Variants in MACF1 observed in about 807,000 individuals in gnomAD.
MACF1 encodes microtubule-actin cross-linking factor 1.
A neutral mutation model predicts 854.8 loss-of-function variants in MACF1; 193 were observed. That is an observed-to-expected ratio of 0.23 (90% CI 0.20 to 0.25). The LOEUF is 0.25. Ranked by LOEUF, MACF1 falls within the 10% of genes least tolerant of loss-of-function variation. MACF1 has a pLI of 1.00. For missense variants in MACF1, 7,722 were observed against 8,929.1 expected (o/e 0.86, Z 5.45); for synonymous variants, 3,185 against 3,226.7 (o/e 0.99, Z 0.44).
chr1:39,241,457 C>A (rs559480559), intron 2 of MACF1, among the ~76,000 whole-genome samples: 1 of 151,990 alleles, frequency 6.6e-6, no homozygotes, highest in Non-Finnish European at 1.5e-5. Context: ...GTCAGGCGTT[C>A]GGGACCAGCC....
Position 39,327,292 on chromosome 1 carries a change from A to G in MACF1, c.4553A>G (p.Asp1518Gly), listed in dbSNP as rs750107904. The change falls in exon 36 of 101, where the codon GAT (aspartate) becomes GGT (glycine). Residue 1518 changes from aspartate to glycine, a missense_variant. Transcript: ENST00000564288. ...ALNKAYHDLC[D>G]GSANQLQQLQ... is the part of the protein sequence containing the mutation. ...AACAAGGCTTACCATGACCTTTGTG[A>G]TGGTTCTGCAAATCAGCTTCAGCAG... 2 of 1,608,372 alleles carry G rather than the reference A, an allele frequency of 1.2e-6. No homozygotes were observed. The highest frequency in any genetic ancestry group is 2.7e-5 in the African/African-American group (2 of 74,872).
chr1:39,353,574 A>C (rs551794055), intron 44 of MACF1, among the ~76,000 whole-genome samples: 1 of 152,202 alleles, frequency 6.6e-6, no homozygotes, highest in East Asian at 1.9e-4. Flanking sequence ...TGCACTAATG[A>C]ATTCTGTGTA....
chr1:39,458,057 A>C, intron 89 of MACF1: 1 of 220,874 alleles, frequency 4.5e-6, no homozygotes, highest in Non-Finnish European at 9.0e-6. Flanking sequence ...GCCAGTTCTC[A>C]TGTGAACTAA....
At chr1:39,450,946 ACTCT>A in intron 84 of MACF1, 102 bp from the exon 85 acceptor site, 1 of 1,243,600 alleles carries the variant, frequency 8.0e-7, no homozygotes. Context: ...CATAGAAGTC[ACTCT>A]CTATATAGGG....
At chr1:39,450,997 G>A (rs990889084) in intron 84 of MACF1, 55 bp from the exon 85 acceptor site, 2 of 1,574,120 alleles carry the variant, frequency 1.3e-6, no homozygotes, top group African/African-American at 1.3e-5. Flanking sequence ...GCAGAATTGT[G>A]GGCCATTTGT....
At chr1:39,133,217 G>C (rs985434788) in intron 2 of MACF1, among the ~76,000 whole-genome samples, 2 of 152,156 alleles carry the variant, frequency 1.3e-5, no homozygotes, top group East Asian at 1.9e-4. Flanking sequence ...TGGGGCTGGG[G>C]GTATGGGGTG....
At chr1:39,448,389 T>C (rs890615621) in intron 83 of MACF1, among the ~76,000 whole-genome samples, 1 of 152,228 alleles carries the variant, frequency 6.6e-6, no homozygotes, top group Non-Finnish European at 1.5e-5. Context: ...CTGTAGGCTT[T>C]CACAAATTGT....
At chr1:39,269,287 G>A (rs1310206782) in intron 6 of MACF1, 8 of 1,289,814 alleles carry the variant, frequency 6.2e-6, no homozygotes, top group South Asian at 3.7e-5. Context: ...CGTGGGTTTC[G>A]GAGCTGTGCT....
intron 15 of MACF1, among the ~76,000 whole-genome samples, chr1:39,291,103 A>G (rs1275142099): frequency 6.6e-6 from 1 of 151,214 alleles, no homozygotes; most frequent in East Asian, 2.0e-4. Context: ...CAGCCTCTCA[A>G]GTAGCTGGGA....
intron 26 of MACF1, 57 bp from the exon 27 acceptor site, chr1:39,315,456 T>G: frequency 6.5e-7 from 1 of 1,549,540 alleles, no homozygotes; most frequent in Non-Finnish European, 8.9e-7. Flanking sequence ...GTGGACTTCT[T>G]TCTACCTTTT....
chr1:39,086,200 T>C lies in MACF1; in HGVS notation c.220+1762T>C, dbSNP rs558663047. On this transcript the variant is annotated intron_variant, in intron 2 of 93. Coordinates refer to the MACF1 transcript ENST00000361689. Reference sequence around the variant, plus strand: ...ACTGAATGAATGCTGAATGAGTGTTTTGAGGATATTATGTGATGTGACAGA... The same window carrying C: ...ACTGAATGAATGCTGAATGAGTGTTCTGAGGATATTATGTGATGTGACAGA... Among the ~76,000 whole-genome samples, 3 of 152,288 alleles carry C rather than the reference T, an allele frequency of 2.0e-5. No homozygotes were observed. In the South Asian group the frequency reaches 6.2e-4, roughly 32 times the overall value.
chr1:39,214,458 GTT>G, intron 1 of MACF1, among the ~76,000 whole-genome samples: 1 of 152,228 alleles, frequency 6.6e-6, no homozygotes. Context: ...GCACAGCTGA[GTT>G]AAGTGCACTG....
chr1:39,102,821 C>T (rs1642126648), intron 2 of MACF1: 1 of 702,592 alleles, frequency 1.4e-6, no homozygotes, highest in Non-Finnish European at 2.6e-6. Context: ...AGCCTCAGAG[C>T]TTTTGCGACT....
Position 39,463,930 on chromosome 1 carries a change from A to G in MACF1, c.21753+244A>G, listed in dbSNP as rs1158339919. 5 of 369,320 alleles carry G rather than the reference A, an allele frequency of 1.4e-5. 1 individual carries two copies. The highest frequency in any genetic ancestry group is 1.3e-4 in the South Asian group (4 of 31,792). The allele number at this position is 369,320 out of a possible 1,614,324, so 22.9% of individuals were successfully genotyped here. Reference sequence around the variant, plus strand: ...AGATAGGAGATATTTCAGAGCTGTCACTTCACATCTGACAAAGTTCCTAGG... The same window carrying G: ...AGATAGGAGATATTTCAGAGCTGTCGCTTCACATCTGACAAAGTTCCTAGG... On this transcript the variant is annotated intron_variant, in intron 94 of 100. Coordinates refer to ENST00000564288, the MANE Select transcript of MACF1 (RefSeq NM_001394062.1).
chr1:39,476,457 G>A (rs1644884932), intron 97 of MACF1, among the ~76,000 whole-genome samples: 1 of 152,018 alleles, frequency 6.6e-6, no homozygotes, highest in Non-Finnish European at 1.5e-5. Flanking sequence ...TGCAGTCCCA[G>A]CTACCCAGGA....
At chr1:39,380,430 A>G in intron 55 of MACF1, 57 bp downstream of exon 55, 6 of 1,522,500 alleles carry the variant, frequency 3.9e-6, no homozygotes, top group South Asian at 1.2e-5. Flanking sequence ...CAAAGCAAGT[A>G]GAGAATTTCA....
chr1:39,096,124 G>T (rs778774480), intron 2 of MACF1, among the ~76,000 whole-genome samples: 1 of 148,950 alleles, frequency 6.7e-6, no homozygotes, highest in South Asian at 2.1e-4. Flanking sequence ...ACCCATGATC[G>T]CACCACTGCA....
At chr1:39,220,794 T>C (rs555149084) in intron 1 of MACF1, among the ~76,000 whole-genome samples, 29 of 152,260 alleles carry the variant, frequency 1.9e-4, no homozygotes, top group African/African-American at 7.0e-4. Context: ...TGGCCTTTAA[T>C]GAAGTTTAAA....
At chr1:39,298,276 G>A (rs761138472) in intron 21 of MACF1, among the ~76,000 whole-genome samples, 1 of 152,126 alleles carries the variant, frequency 6.6e-6, no homozygotes, top group Non-Finnish European at 1.5e-5. Flanking sequence ...TATTTGTGCA[G>A]TTATTTATGA....
Sources: allele counts gnomAD v4.1 joint callset (sites outside exome capture counted in the v4.1 genomes callset), GRCh38; gene constraint gnomAD v4.1.1; transcripts MANE v1.5; gene names NCBI Gene and HGNC (gene_info 2026-07-23, HGNC 2026-07-21).